The following HS3ST5 variants were observed in gnomAD, a reference collection of about 807,000 sequenced individuals.
HS3ST5 encodes the protein heparan sulfate glucosamine 3-O-sulfotransferase 5.
HS3ST5 carries 10 observed loss-of-function variants against 25.4 expected under a neutral mutation model. The observed-to-expected ratio is 0.39, with a 90% confidence interval of 0.24 to 0.67. The LOEUF is 0.67. HS3ST5 is among the 30% of genes least tolerant of loss of function. HS3ST5 has a pLI of 0.44. For missense variants in HS3ST5, 324 were observed against 420.7 expected (o/e 0.77, Z 2.01); for synonymous variants, 170 against 162.4 (o/e 1.05, Z -0.36).
chr6:114,115,757 T>C (rs1776493146), intron 3 of HS3ST5, among the ~76,000 whole-genome samples: 1 of 152,094 alleles, frequency 6.6e-6, no homozygotes, highest in East Asian at 1.9e-4. Flanking sequence ...CCAAGCAGGC[T>C]TCTATGATTG....
chr6:114,205,603 C>T (rs1246489240), intron 2 of HS3ST5, among the ~76,000 whole-genome samples: 2 of 152,196 alleles, frequency 1.3e-5, no homozygotes, highest in Non-Finnish European at 2.9e-5. Flanking sequence ...CCCTTCCCCG[C>T]TCCCTGGACA....
Position 114,194,492 on chromosome 6 carries a change from A to G in HS3ST5, c.-144-26030T>C, listed in dbSNP as rs572559405. 2.6e-5 allele frequency among the ~76,000 whole-genome samples: 4 copies of G among 152,268 alleles called. No homozygotes were observed. In the South Asian group the frequency reaches 8.3e-4, roughly 32 times the overall value. ...GGGCTAAACAGAAACCAGCCCTTTCAAAAGACTCCACTGCTATTTCAACCA... is the reference window on the plus strand; with the variant it reads ...GGGCTAAACAGAAACCAGCCCTTTCGAAAGACTCCACTGCTATTTCAACCA... On this transcript the variant is annotated intron_variant, in intron 2 of 4. Transcript: ENST00000312719.
At chr6:114,323,524 C>T (rs914633586) in intron 1 of HS3ST5, among the ~76,000 whole-genome samples, 9 of 152,020 alleles carry the variant, frequency 5.9e-5, no homozygotes, top group African/African-American at 2.2e-4. Flanking sequence ...AGTTCAAGTC[C>T]TATCTCTTCC....
At chr6:114,289,394 A>G (rs1774475182) in intron 1 of HS3ST5, among the ~76,000 whole-genome samples, 1 of 152,156 alleles carries the variant, frequency 6.6e-6, no homozygotes, top group Non-Finnish European at 1.5e-5. Flanking sequence ...ACAAGAACAA[A>G]TAACTGGATT....
At chr6:114,295,370 C>T (rs1423939401) in intron 1 of HS3ST5, among the ~76,000 whole-genome samples, 1 of 152,158 alleles carries the variant, frequency 6.6e-6, no homozygotes, top group Non-Finnish European at 1.5e-5. Context: ...CTCAGGCTCC[C>T]TTCTCCAAAA....
Position 114,056,732 on chromosome 6 carries a change from G to A in HS3ST5, c.*525C>T, listed in dbSNP as rs1375183935. ...GTGCAAAATCACCACAAGAACTTTG[G>A]AACAATGTCAATTTTATGAGATAAG... On this transcript the variant is annotated 3_prime_UTR_variant, in exon 5 of 5. Coordinates refer to ENST00000312719, the MANE Select transcript of HS3ST5 (RefSeq NM_153612.4). 6.6e-6 allele frequency: 1 copy of A among 152,430 alleles called. No homozygotes were observed. The highest frequency in any genetic ancestry group is 1.5e-5 in the Non-Finnish European group (1 of 68,330). 9.4% of individuals were successfully genotyped at this position (152,430 alleles called of 1,614,324 possible).
intron 3 of HS3ST5, among the ~76,000 whole-genome samples, chr6:114,156,198 C>G (rs1306053550): frequency 2.0e-5 from 3 of 152,152 alleles, no homozygotes; most frequent in Non-Finnish European, 4.4e-5. Context: ...CTTCCACATC[C>G]TATTCTTTCC....
At chr6:114,095,019 C>T (rs1333520968) in intron 3 of HS3ST5, among the ~76,000 whole-genome samples, 2 of 152,268 alleles carry the variant, frequency 1.3e-5, no homozygotes, top group East Asian at 3.9e-4. Context: ...AGAACCAAGC[C>T]GTAGGTGACA....
intron 1 of HS3ST5, among the ~76,000 whole-genome samples, chr6:114,308,485 G>A (rs1775392794): frequency 6.6e-6 from 1 of 152,098 alleles, no homozygotes. Context: ...TACTCGGGAG[G>A]CTGAGGCAGG....
At chr6:114,062,957 G>T in intron 3 of HS3ST5, 80 bp from the exon 4 acceptor site, 1 of 725,818 alleles carries the variant, frequency 1.4e-6, no homozygotes, top group Non-Finnish European at 2.3e-6. Flanking sequence ...GTGGAAGACA[G>T]GTGATAAGTG....
chr6:114,173,379 C>G (rs1197973540), intron 2 of HS3ST5, among the ~76,000 whole-genome samples: 1 of 152,040 alleles, frequency 6.6e-6, no homozygotes, highest in African/African-American at 2.4e-5. Context: ...CTTAACTCAT[C>G]AATAAAATAT....
chr6:114,078,662 G>A (rs1288577395), intron 3 of HS3ST5, among the ~76,000 whole-genome samples: 3 of 152,150 alleles, frequency 2.0e-5, no homozygotes, highest in Non-Finnish European at 4.4e-5. Context: ...AAAGTGTGGT[G>A]CCCCAGTCTA....
intron 1 of HS3ST5, among the ~76,000 whole-genome samples, chr6:114,312,219 T>G (rs886215629): frequency 4.6e-5 from 7 of 152,228 alleles, no homozygotes; most frequent in African/African-American, 1.7e-4. Context: ...AGAAGAGTCT[T>G]AAACTTTTAA....
chr6:114,308,344 G>C (rs113437838), intron 1 of HS3ST5, among the ~76,000 whole-genome samples: 1 of 152,146 alleles, frequency 6.6e-6, no homozygotes, highest in Admixed American at 6.5e-5. Context: ...CCAGCACTTT[G>C]GGAGGCCGAG....
intron 3 of HS3ST5, among the ~76,000 whole-genome samples, chr6:114,136,140 C>G (rs1562210895): frequency 6.6e-6 from 1 of 152,212 alleles, no homozygotes; most frequent in Non-Finnish European, 1.5e-5. Context: ...CCTCACAAAA[C>G]AGGAATCAGG....
intron 1 of HS3ST5, among the ~76,000 whole-genome samples, chr6:114,241,315 A>C (rs1231191058): frequency 6.6e-6 from 1 of 152,184 alleles, no homozygotes; most frequent in African/African-American, 2.4e-5. Flanking sequence ...TTCCAAGTTT[A>C]ATCAGGTTAA....
At chr6:114,307,043 A>G (rs1775326189) in intron 1 of HS3ST5, among the ~76,000 whole-genome samples, 1 of 152,226 alleles carries the variant, frequency 6.6e-6, no homozygotes, top group African/African-American at 2.4e-5. Flanking sequence ...ACATCTTACT[A>G]TATTCACTTC....
chr6:114,132,747 C>T (rs922298711), intron 3 of HS3ST5, among the ~76,000 whole-genome samples: 10 of 152,130 alleles, frequency 6.6e-5, no homozygotes, highest in African/African-American at 2.4e-4. Context: ...CTACTGTGAA[C>T]GAAGGCTGGG....
chr6:114,309,633 TGA>T (rs1318420388), intron 1 of HS3ST5, among the ~76,000 whole-genome samples: 47 of 152,166 alleles, frequency 3.1e-4, no homozygotes, highest in African/African-American at 1.1e-3. Context: ...CTCAGTAGGC[TGA>T]GACAGGAGAA....
Sources: allele counts gnomAD v4.1 joint callset (sites outside exome capture counted in the v4.1 genomes callset), GRCh38; gene constraint gnomAD v4.1.1; transcripts MANE v1.5; gene names NCBI Gene and HGNC (gene_info 2026-07-23, HGNC 2026-07-21).